Variants in NALF1 observed in about 807,000 individuals in gnomAD.
The protein encoded by NALF1 is NALCN channel auxiliary factor 1, also known as family with sequence similarity 155 member A.
In NALF1, 3 loss-of-function variants were observed where a neutral mutation model predicts 48.4. The ratio of observed to expected loss-of-function variants is 0.06; its 90% CI spans 0.03 to 0.16. NALF1 has a LOEUF of 0.16. Ranked by LOEUF, NALF1 falls within the 10% of genes least tolerant of loss-of-function variation. NALF1 has a pLI of 1.00. For missense variants in NALF1, 526 were observed against 571.5 expected, an observed-to-expected ratio of 0.92 and a Z score of 0.81; for synonymous variants, 262 against 245.7, an observed-to-expected ratio of 1.07 and a Z score of -0.62.
intron 1 of NALF1, among the ~76,000 whole-genome samples, chr13:107,729,538 G>A (rs1269357320): frequency 2.0e-5 from 3 of 151,778 alleles, no homozygotes; most frequent in Non-Finnish European, 4.4e-5. Context: ...GTGCAGTGGC[G>A]CGACCTCAGC....
At chr13:107,570,844 G>T (rs1877967068) in intron 1 of NALF1, among the ~76,000 whole-genome samples, 1 of 151,832 alleles carries the variant, frequency 6.6e-6, no homozygotes, top group Non-Finnish European at 1.5e-5. Flanking sequence ...AATATAAACA[G>T]CTATATCCTT....
intron 1 of NALF1, among the ~76,000 whole-genome samples, chr13:107,864,215 A>C (rs185273592): frequency 1.8e-4 from 27 of 152,328 alleles, no homozygotes; most frequent in Admixed American, 9.8e-4. Flanking sequence ...TTTAAGATAC[A>C]CTTGTCTAGT....
At chr13:107,554,215 G>A (rs1370809561) in intron 1 of NALF1, among the ~76,000 whole-genome samples, 1 of 152,176 alleles carries the variant, frequency 6.6e-6, no homozygotes, top group Non-Finnish European at 1.5e-5. Flanking sequence ...AGCTGATGGA[G>A]CCCCAGGCTT....
chr13:107,538,562 A>G (rs1876908491), intron 1 of NALF1, among the ~76,000 whole-genome samples: 1 of 152,122 alleles, frequency 6.6e-6, no homozygotes, highest in Non-Finnish European at 1.5e-5. Context: ...TCATTGGACA[A>G]TATATCTCAA....
intron 1 of NALF1, among the ~76,000 whole-genome samples, chr13:107,724,631 G>A (rs550351776): frequency 3.4e-5 from 5 of 147,810 alleles, no homozygotes; most frequent in East Asian, 4.2e-4. Context: ...GCATGATCTC[G>A]GGTCACTGCA....
At chr13:107,460,019 G>A (rs1280421791) in intron 1 of NALF1, among the ~76,000 whole-genome samples, 2 of 152,204 alleles carry the variant, frequency 1.3e-5, no homozygotes, top group African/African-American at 4.8e-5. Flanking sequence ...TGGGATTATA[G>A]GCATGAGCCA....
chr13:107,181,737 T>A (rs1879067056), intron 2 of NALF1, among the ~76,000 whole-genome samples: 1 of 152,080 alleles, frequency 6.6e-6, no homozygotes, highest in Non-Finnish European at 1.5e-5. Context: ...CTAATTATTT[T>A]GCTTTAAATA....
intron 1 of NALF1, among the ~76,000 whole-genome samples, chr13:107,397,480 A>G (rs9583171): frequency 0.63 from 95,916 of 151,914 alleles, 30,349 homozygotes; most frequent in African/African-American, 0.66. Context: ...TGAATTACAT[A>G]TACTATCAAC....
intron 1 of NALF1, among the ~76,000 whole-genome samples, chr13:107,238,169 C>G (rs1388709652): frequency 6.6e-6 from 1 of 152,132 alleles, no homozygotes; most frequent in East Asian, 1.9e-4. Flanking sequence ...TGACTTGTTG[C>G]AGGGGTCAAA....
At chr13:107,216,135 T>C (rs2138810338) in intron 1 of NALF1, among the ~76,000 whole-genome samples, 1 of 152,330 alleles carries the variant, frequency 6.6e-6, no homozygotes, top group African/African-American at 2.4e-5. Flanking sequence ...TACATTTTAT[T>C]AGATCCATTT....
chr13:107,355,724 C>T (rs1197181491), intron 1 of NALF1, among the ~76,000 whole-genome samples: 6 of 152,032 alleles, frequency 3.9e-5, no homozygotes, highest in Admixed American at 3.9e-4. Flanking sequence ...CCTGAGGCCT[C>T]CCCAGCCATG....
intron 1 of NALF1, among the ~76,000 whole-genome samples, chr13:107,572,462 T>C (rs879639772): frequency 7.9e-5 from 12 of 152,128 alleles, no homozygotes; most frequent in South Asian, 6.2e-4. Context: ...CCTGTGGGAA[T>C]TGGGGCTCAA....
chr13:107,691,043 C>T (rs912502446), intron 1 of NALF1, among the ~76,000 whole-genome samples: 6 of 152,130 alleles, frequency 3.9e-5, no homozygotes, highest in Non-Finnish European at 5.9e-5. Context: ...AGTCAAGGTA[C>T]GATAAGGTCA....
chr13:107,262,711 A>G (rs972188018), intron 1 of NALF1, among the ~76,000 whole-genome samples: 1 of 151,860 alleles, frequency 6.6e-6, no homozygotes, highest in East Asian at 1.9e-4. Context: ...TTTTTCCCCA[A>G]TATTATCAGG....
Position 107,166,926 on chromosome 13 carries a change from A to G in NALF1, c.*3571T>C, listed in dbSNP as rs1878672287. 1 of 152,226 alleles carries G rather than the reference A, an allele frequency of 6.6e-6. No individual in the cohort carries two copies. Among genetic ancestry groups the G allele is most frequent in the South Asian group, 2.1e-4 (1 of 4,830 alleles). The allele number at this position is 152,226 out of a possible 1,614,324, so 9.4% of individuals were successfully genotyped here. ...CCAAATTACTTTTTGTAATGATGCC[A>G]TTTAAAAGAACAACTTTCACTTACT... On this transcript the variant is annotated 3_prime_UTR_variant, in exon 3 of 3. Transcript: ENST00000375915.
chr13:107,493,747 T>C (rs1422463964), intron 1 of NALF1, among the ~76,000 whole-genome samples: 1 of 151,894 alleles, frequency 6.6e-6, no homozygotes, highest in Non-Finnish European at 1.5e-5. Context: ...AAAATAGCAA[T>C]GCGTGGTGGT....
intron 1 of NALF1, among the ~76,000 whole-genome samples, chr13:107,333,570 T>C (rs138937610): frequency 1.1e-4 from 17 of 152,250 alleles, no homozygotes; most frequent in Non-Finnish European, 1.6e-4. Context: ...TGAGTATTGA[T>C]GTGGGGGGCA....
At chr13:107,581,591 G>T (rs1250739441) in intron 1 of NALF1, among the ~76,000 whole-genome samples, 3 of 151,590 alleles carry the variant, frequency 2.0e-5, no homozygotes, top group Non-Finnish European at 2.9e-5. Context: ...TTATGAAGAA[G>T]GAAACATCAA....
At chr13:107,236,527 T>A (rs1880345243) in intron 1 of NALF1, among the ~76,000 whole-genome samples, 1 of 152,122 alleles carries the variant, frequency 6.6e-6, no homozygotes, top group Non-Finnish European at 1.5e-5. Context: ...TAATTCCAAT[T>A]TGAAAACTAG....
Sources: allele counts gnomAD v4.1 joint callset (sites outside exome capture counted in the v4.1 genomes callset), GRCh38; gene constraint gnomAD v4.1.1; transcripts MANE v1.5; gene names NCBI Gene and HGNC (gene_info 2026-07-23, HGNC 2026-07-21).